NAV2: variants seen among roughly 807,000 people sequenced by gnomAD.
NAV2 encodes helicase, APC down-regulated 1.
Under a neutral mutation model 223.2 loss-of-function variants are expected in NAV2, and 54 were observed. The observed-to-expected ratio is 0.24, with a 90% CI of 0.19 to 0.30. The LOEUF (loss-of-function observed/expected upper bound fraction) is 0.30, where lower values mean the gene tolerates loss of function less well. Among genes scored for constraint, NAV2 ranks in the 10% least tolerant of loss-of-function variants. The pLI, the probability that NAV2 is intolerant of heterozygous loss-of-function variation, is 1.00. For missense variants in NAV2, 2,806 were observed against 3,147.5 expected, an observed-to-expected ratio of 0.89 and a Z score of 2.60; for synonymous variants, 1,279 against 1,239.3, an observed-to-expected ratio of 1.03 and a Z score of -0.67.
At chr11:19,717,314 T>C (rs1004554116) in intron 1 of NAV2, among the ~76,000 whole-genome samples, 2 of 152,188 alleles carry the variant, frequency 1.3e-5, no homozygotes, top group African/African-American at 4.8e-5. Flanking sequence ...GCATAACTGA[T>C]ATACACAGGG....
chr11:19,753,601 C>G (rs1477031768), intron 1 of NAV2, among the ~76,000 whole-genome samples: 1 of 152,204 alleles, frequency 6.6e-6, no homozygotes, highest in Non-Finnish European at 1.5e-5. Context: ...TATTTGTCTG[C>G]TCATTGGTCT....
rs771726703 is a variant in NAV2 at position 20,105,555 on chromosome 11, G to A, written c.6669G>A (p.Thr2223=). The A allele has an allele frequency of 2.2e-5, 35 of 1,613,772 alleles. No homozygotes were observed. Among genetic ancestry groups the A allele is most frequent in the South Asian group, 3.3e-5 (3 of 91,046 alleles). ...GATGGGTGCTTTGTGCCAACCACAC[G>A]GAGCCTGTGAAGGGTTTCCTTGGCC... ...NFRWVLCANH[T]EPVKGFLGRF... Residue 2223 remains threonine, a synonymous_variant, in exon 35 of 38, where the codon ACG becomes ACA. Coordinates refer to ENST00000349880, the MANE Select transcript of NAV2 (RefSeq NM_145117.5).
chr11:19,964,809 CTTTTTTTTTTTTTTT>C (rs71050695), intron 10 of NAV2, among the ~76,000 whole-genome samples: 1 of 57,526 alleles, frequency 1.7e-5, no homozygotes, highest in Non-Finnish European at 3.2e-5. Context: ...CCTCATTCTA[CTTTTTTTTTTTTTTT>C]TTTTTTTTTT....
At chr11:19,552,323 AT>A (rs1258941133) in intron 1 of NAV2, among the ~76,000 whole-genome samples, 1 of 152,162 alleles carries the variant, frequency 6.6e-6, no homozygotes, top group Non-Finnish European at 1.5e-5. Context: ...TCTGCAGGGA[AT>A]TCACAGTTTA....
At chr11:19,656,436 A>G (rs752948683) in intron 1 of NAV2, among the ~76,000 whole-genome samples, 3 of 152,206 alleles carry the variant, frequency 2.0e-5, no homozygotes, top group Non-Finnish European at 4.4e-5. Context: ...AAAGAAGGCC[A>G]TTGTGGTGAA....
intron 1 of NAV2, among the ~76,000 whole-genome samples, chr11:19,526,694 C>A (rs1261595943): frequency 6.6e-6 from 1 of 152,098 alleles, no homozygotes; most frequent in Admixed American, 6.5e-5. Flanking sequence ...GCTGGGGAAG[C>A]TCTCCTACAG....
chr11:19,890,478 T>C (rs1350884495), intron 5 of NAV2, among the ~76,000 whole-genome samples: 2 of 152,168 alleles, frequency 1.3e-5, no homozygotes, highest in Non-Finnish European at 2.9e-5. Context: ...CCCTTCTCTT[T>C]GCAAATTCCA....
chr11:19,581,553 T>C (rs956046562), intron 1 of NAV2, among the ~76,000 whole-genome samples: 1 of 152,140 alleles, frequency 6.6e-6, no homozygotes, highest in Non-Finnish European at 1.5e-5. Context: ...TGTGTGATGT[T>C]CCCCTTCCTG....
intron 1 of NAV2, among the ~76,000 whole-genome samples, chr11:19,685,577 G>A (rs549093881): frequency 1.3e-4 from 20 of 152,292 alleles, no homozygotes; most frequent in African/African-American, 4.8e-4. Context: ...GATGAATTTA[G>A]TGCTCATTAA....
intron 4 of NAV2, among the ~76,000 whole-genome samples, chr11:19,879,593 G>A (rs1003529040): frequency 4.6e-5 from 7 of 152,130 alleles, no homozygotes; most frequent in South Asian, 2.1e-4. Flanking sequence ...TGCTCGAGAC[G>A]CTTGCTTTTT....
chr11:19,937,621 C>G (rs1168206873), intron 7 of NAV2, among the ~76,000 whole-genome samples: 2 of 152,170 alleles, frequency 1.3e-5, no homozygotes, highest in Non-Finnish European at 1.5e-5. Context: ...AGTGACAACT[C>G]AAGTTTTGCA....
At chr11:20,022,809 A>C in intron 11 of NAV2, 2 of 1,243,416 alleles carry the variant, frequency 1.6e-6, no homozygotes, top group Non-Finnish European at 1.0e-6. Flanking sequence ...ATGGTTTCAG[A>C]GTTTGGTGTT....
At chr11:19,462,260 A>G (rs1394597221) in intron 1 of NAV2, among the ~76,000 whole-genome samples, 4 of 152,230 alleles carry the variant, frequency 2.6e-5, no homozygotes, top group African/African-American at 9.6e-5. Flanking sequence ...TTTCTGATTC[A>G]ATAGGTCTGG....
chr11:20,068,286 C>A (rs374475812), intron 21 of NAV2, 38 bp from the exon 22 acceptor site: 10 of 1,608,948 alleles, frequency 6.2e-6, no homozygotes, highest in African/African-American at 5.3e-5. Flanking sequence ...TGGAAATGGA[C>A]CCCCAAAGCA....
At chr11:19,839,209 TAAG>T (rs2060387106) in intron 2 of NAV2, among the ~76,000 whole-genome samples, 1 of 152,260 alleles carries the variant, frequency 6.6e-6, no homozygotes, top group African/African-American at 2.4e-5. Flanking sequence ...TGTGAATTAT[TAAG>T]AAGGTTTAAG....
At chr11:19,758,182 G>A (rs1056288701) in intron 1 of NAV2, among the ~76,000 whole-genome samples, 1 of 152,122 alleles carries the variant, frequency 6.6e-6, no homozygotes, top group Non-Finnish European at 1.5e-5. Flanking sequence ...TGAGGCACTG[G>A]GACACAAGAA....
rs549171847 is a variant in NAV2, at chr11:19,502,356, G to T, written c.75+151329G>T. 1.8e-3 allele frequency among the ~76,000 whole-genome samples: 267 copies of T among 152,210 alleles called. 2 individuals are homozygous for T. The highest frequency in any genetic ancestry group is 5.9e-3 in the African/African-American group (244 of 41,542). On this transcript the variant is annotated intron_variant, in intron 1 of 37. Coordinates refer to the NAV2 transcript ENST00000360655. ...GTTCTGAGGATTAAATAAGTAAATC[G>T]ACATAAAGCACTTAGAATAGAGCCA...
chr11:19,992,326 A>G (rs575856345), intron 11 of NAV2, among the ~76,000 whole-genome samples: 2 of 152,268 alleles, frequency 1.3e-5, no homozygotes, highest in Non-Finnish European at 2.9e-5. Context: ...GCTGACAGGA[A>G]GTAAACCATC....
At chr11:20,077,470 T>G in intron 22 of NAV2, 82 bp from the exon 23 acceptor site, 3 of 1,087,320 alleles carry the variant, frequency 2.8e-6, no homozygotes, top group Non-Finnish European at 4.2e-6. Flanking sequence ...ACCCACAGGA[T>G]TTTCATCTTT....
Sources: gnomAD v4.1 joint callset for allele counts (sites outside exome capture counted in the v4.1 genomes callset) on GRCh38, gnomAD v4.1.1 for gene constraint, MANE v1.5 for transcripts, NCBI Gene and HGNC (gene_info 2026-07-23, HGNC 2026-07-21) for gene names.